PHC1: variants seen among roughly 807,000 people sequenced by gnomAD.
PHC1 encodes polyhomeotic homolog 1.
PHC1 carries 12 observed loss-of-function variants against 104.3 expected under a neutral mutation model. That is an observed-to-expected ratio of 0.12 (90% confidence interval 0.07 to 0.19). PHC1 has a LOEUF of 0.19. Ranked by LOEUF, PHC1 falls within the 10% of genes least tolerant of loss-of-function variation. The probability of loss-of-function intolerance (pLI) is 1.00; values close to 1 mark genes in which losing one functional copy is unlikely to be tolerated. For missense variants in PHC1, 671 were observed against 1,200.0 expected, an observed-to-expected ratio of 0.56 and a Z score of 6.51; for synonymous variants, 302 against 455.8, an observed-to-expected ratio of 0.66 and a Z score of 4.30.
intron 6 of PHC1, among the ~76,000 whole-genome samples, chr12:8,925,567 A>C (rs1191533227): frequency 6.6e-6 from 1 of 152,122 alleles, no homozygotes; most frequent in Non-Finnish European, 1.5e-5. Flanking sequence ...ATGTGGAAGG[A>C]GAGTGTTGGA....
chr12:8,915,663 C>G lies in PHC1; in HGVS notation c.-49+836C>G, dbSNP rs748938661. The G allele has an allele frequency of 3.5e-4, 51 of 146,128 alleles. 1 individual carries two copies. Among genetic ancestry groups the G allele is most frequent in the African/African-American group, 1.3e-3 (51 of 39,984 alleles). 9.1% of individuals were successfully genotyped at this position (146,128 alleles called of 1,614,324 possible). ...AGTTTAATTTGGAAAATTTTGATAC[C>G]TGGTGCTGCCCAAACTGTTTGTTGT... is the stretch of plus-strand genomic sequence containing the variant. On this transcript the variant is annotated intron_variant, in intron 1 of 14. Coordinates refer to ENST00000544916, the MANE Select transcript of PHC1 (RefSeq NM_004426.3).
chr12:8,918,812 A>T (rs982129858), intron 2 of PHC1, among the ~76,000 whole-genome samples: 5 of 152,162 alleles, frequency 3.3e-5, no homozygotes, highest in African/African-American at 9.7e-5. Context: ...CGCGTCACTT[A>T]ATGACAGGAA....
At chr12:8,924,263 G>C (rs1308033858) in intron 6 of PHC1, among the ~76,000 whole-genome samples, 1 of 152,124 alleles carries the variant, frequency 6.6e-6, no homozygotes, top group Non-Finnish European at 1.5e-5. Context: ...GATCACCTGA[G>C]GTCAGGAGTT....
chr12:8,920,397 G>C lies in PHC1; in HGVS notation c.225+531G>C, dbSNP rs140527903. Among the ~76,000 whole-genome samples the C allele has an allele frequency of 4.9e-3, 740 of 152,242 alleles. 6 individuals carry two copies. The highest frequency in any genetic ancestry group is 0.017 in the African/African-American group (712 of 41,542). On this transcript the variant is annotated intron_variant, in intron 3 of 14. Coordinates refer to ENST00000544916, the MANE Select transcript of PHC1 (RefSeq NM_004426.3). The stretch of plus-strand genomic sequence containing the variant: ...CTGGACTAGACTTTTACTGACTCAT[G>C]ATATGACCTGACCAAAAGATCTTTT...
At chr12:8,922,105 C>T (rs1367491798) in intron 5 of PHC1, among the ~76,000 whole-genome samples, 5 of 152,190 alleles carry the variant, frequency 3.3e-5, no homozygotes, top group South Asian at 4.1e-4. Context: ...TGAACCACCG[C>T]GCCCGGCCAA....
At chr12:8,930,968 A>G (rs748721248) in intron 7 of PHC1, 41 bp downstream of exon 7, 1 of 1,546,504 alleles carries the variant, frequency 6.5e-7, no homozygotes, top group South Asian at 1.2e-5. Flanking sequence ...CTCAGAATTC[A>G]TGTGAAATTT....
At chr12:8,922,221 C>A (rs996643632) in intron 5 of PHC1, among the ~76,000 whole-genome samples, 1 of 152,136 alleles carries the variant, frequency 6.6e-6, no homozygotes, top group Non-Finnish European at 1.5e-5. Context: ...TCACAGGTAG[C>A]CTATAGATTA....
chr12:8,932,370 GT>G (rs1435235675), intron 7 of PHC1, among the ~76,000 whole-genome samples, 192 bp from the exon 8 acceptor site: 2 of 152,322 alleles, frequency 1.3e-5, no homozygotes, highest in South Asian at 2.1e-4. Context: ...ACTAGTAGTA[GT>G]TGGTAATGTC....
At chr12:8,915,259 C>A (rs959961107) in intron 1 of PHC1, 1 of 152,706 alleles carries the variant, frequency 6.5e-6, no homozygotes, top group African/African-American at 2.4e-5. Flanking sequence ...GGATCCACCC[C>A]CTTCCCCCAG....
intron 6 of PHC1, among the ~76,000 whole-genome samples, chr12:8,923,892 C>CAA (rs1004889516): frequency 1.4e-5 from 2 of 143,024 alleles, no homozygotes; most frequent in Non-Finnish European, 3.1e-5. Context: ...AATACAAGAA[C>CAA]AAAAAATAAT....
intron 4 of PHC1, 117 bp from the exon 5 acceptor site, chr12:8,921,484 G>C: frequency 2.3e-6 from 2 of 885,944 alleles, no homozygotes; most frequent in Non-Finnish European, 3.5e-6. Context: ...ATTTCCCCCG[G>C]CTCCATGAAA....
chr12:8,936,968 C>T lies in PHC1; in HGVS notation c.2477+4C>T. On this transcript the variant is annotated splice_donor_region_variant and intron_variant, in intron 12 of 14. Coordinates refer to ENST00000544916, the MANE Select transcript of PHC1 (RefSeq NM_004426.3). Reference sequence around the variant, plus strand: ...GCTCCATGACTTGCGCTAAGAGGTACTCTGGGCACCCTCCTCCTTGCCCTC... The same window carrying T: ...GCTCCATGACTTGCGCTAAGAGGTATTCTGGGCACCCTCCTCCTTGCCCTC... 3 of 1,594,610 alleles carry T rather than the reference C, an allele frequency of 1.9e-6. No individual in the cohort carries two copies. Among genetic ancestry groups the T allele is most frequent in the Non-Finnish European group, 2.6e-6 (3 of 1,162,650 alleles).
chr12:8,935,086 G>C lies in PHC1; in HGVS notation c.2254-38G>C, dbSNP rs1384911635. 5.7e-6 allele frequency: 6 copies of C among 1,046,404 alleles called. No individual in the cohort carries two copies. In the South Asian group the frequency reaches 8.4e-5, roughly 15 times the overall value. The allele number at this position is 1,046,404 out of a possible 1,614,324, so 64.8% of individuals were successfully genotyped here. A position where few individuals can be genotyped will look rare whatever the true frequency, so the allele number is the denominator to read the frequency against. ...GGAAAGCTATAGAGAAGCAGAAGGG[G>C]ATCAGGCTAACTTAACTCTCAATGT... On this transcript the variant is annotated intron_variant, in intron 10 of 14. Coordinates refer to ENST00000544916, the MANE Select transcript of PHC1 (RefSeq NM_004426.3).
intron 4 of PHC1, 32 bp downstream of exon 4, chr12:8,921,097 T>C (rs1253139109): frequency 1.3e-6 from 2 of 1,491,916 alleles, no homozygotes; most frequent in Non-Finnish European, 1.8e-6. Context: ...GAGAGGCTTC[T>C]CTACCTGGGT....
At chr12:8,914,408 C>CG (rs1945136069), upstream of PHC1, 1 of 127,186 alleles carries the variant, frequency 7.9e-6, no homozygotes, top group East Asian at 2.6e-4. Flanking sequence ...AAACGAGGGA[C>CG]GCGCGGGAGG....
At chr12:8,929,744 T>G (rs1945628927) in intron 6 of PHC1, among the ~76,000 whole-genome samples, 1 of 152,262 alleles carries the variant, frequency 6.6e-6, no homozygotes, top group African/African-American at 2.4e-5. Context: ...GTTCTCGAAC[T>G]CCTGAACTCA....
At chr12:8,929,139 C>T (rs1945611448) in intron 6 of PHC1, among the ~76,000 whole-genome samples, 1 of 152,174 alleles carries the variant, frequency 6.6e-6, no homozygotes, top group Non-Finnish European at 1.5e-5. Flanking sequence ...ATACTTCAAT[C>T]AGAAATGTAT....
chr12:8,915,989 A>C (rs1026388166), intron 1 of PHC1: 3 of 154,526 alleles, frequency 1.9e-5, no homozygotes, highest in Admixed American at 6.5e-5. Flanking sequence ...AACTAAATCC[A>C]GTAATCTATA....
chr12:8,932,529 TTC>T, intron 7 of PHC1, 32 bp from the exon 8 acceptor site: 1 of 1,599,158 alleles, frequency 6.3e-7, no homozygotes, highest in Non-Finnish European at 8.6e-7. Context: ...CTGCTCTTTT[TTC>T]TCTCTGTTGT....
Sources: gnomAD v4.1 joint callset for allele counts (sites outside exome capture counted in the v4.1 genomes callset) on GRCh38, gnomAD v4.1.1 for gene constraint, MANE v1.5 for transcripts, NCBI Gene and HGNC (gene_info 2026-07-23, HGNC 2026-07-21) for gene names.